The following NCOA2 variants were observed in gnomAD, a reference collection of about 807,000 sequenced individuals.
The protein encoded by NCOA2 is class E basic helix-loop-helix protein 75.
Under a neutral mutation model 145.1 loss-of-function variants are expected in NCOA2, and 21 were observed. The ratio of observed to expected loss-of-function variants is 0.14; its 90% confidence interval spans 0.10 to 0.21. The LOEUF is 0.21. Among genes scored for constraint, NCOA2 ranks in the 10% least tolerant of loss-of-function variants. The pLI, the probability that NCOA2 is intolerant of heterozygous loss-of-function variation, is 1.00. For missense variants in NCOA2, 1,472 were observed against 1,837.6 expected (o/e 0.80, Z 3.64); for synonymous variants, 619 against 637.5 (o/e 0.97, Z 0.44).
At position 70,202,969 on chromosome 8, in the gene NCOA2, G is replaced by T. The variant is rs12680933; in HGVS notation, c.259+10934C>A. On this transcript the variant is annotated intron_variant, in intron 4 of 22. Coordinates refer to ENST00000452400, the MANE Select transcript of NCOA2 (RefSeq NM_006540.4). ...GGACTTTGGGAGGCTGAGGTGGCCG[G>T]ATCACGAGGTCAAGAGATCAAGTGG... Among the ~76,000 whole-genome samples the T allele has an allele frequency of 2.9e-3, 436 of 152,210 alleles. 11 individuals are homozygous for T. The East Asian group carries it at 0.068, about 24-fold the overall frequency.
chr8:70,357,335 A>G (rs910271343), intron 1 of NCOA2: 2 of 152,158 alleles, frequency 1.3e-5, no homozygotes, highest in African/African-American at 4.8e-5. Context: ...TACACTGAAA[A>G]CTACAAAACA....
At chr8:70,162,228 G>C (rs1267830105) in intron 9 of NCOA2, among the ~76,000 whole-genome samples, 1 of 152,162 alleles carries the variant, frequency 6.6e-6, no homozygotes, top group East Asian at 1.9e-4. Context: ...TATTGCTTAA[G>C]TCTGTGAGCT....
intron 1 of NCOA2, among the ~76,000 whole-genome samples, chr8:70,322,488 C>T (rs1452518120): frequency 6.6e-6 from 1 of 152,092 alleles, no homozygotes; most frequent in Non-Finnish European, 1.5e-5. Context: ...TAGTATTATA[C>T]AAAACAGCTA....
intron 1 of NCOA2, among the ~76,000 whole-genome samples, chr8:70,395,851 C>A (rs1190321216): frequency 1.3e-5 from 2 of 152,158 alleles, no homozygotes; most frequent in African/African-American, 4.8e-5. Context: ...TTCATATGGA[C>A]ACACTAAATG....
intron 2 of NCOA2, among the ~76,000 whole-genome samples, chr8:70,287,782 AATG>A (rs1826344553): frequency 6.6e-6 from 1 of 152,228 alleles, no homozygotes; most frequent in East Asian, 1.9e-4. Flanking sequence ...TAGTAGCCAC[AATG>A]ATATGAGCCT....
chr8:70,176,608 A>G (rs919479311), intron 4 of NCOA2, among the ~76,000 whole-genome samples: 4 of 152,184 alleles, frequency 2.6e-5, no homozygotes, highest in Non-Finnish European at 4.4e-5. Context: ...TTCATTGCCA[A>G]ATAGACTCAC....
intron 2 of NCOA2, among the ~76,000 whole-genome samples, chr8:70,265,470 CA>C (rs1824492270): frequency 6.6e-6 from 1 of 152,128 alleles, no homozygotes; most frequent in South Asian, 2.1e-4. Context: ...TAAAACATAA[CA>C]AAAAACTAAA....
chr8:70,128,847 T>C lies in NCOA2; in HGVS notation c.3458A>G (p.Asp1153Gly), dbSNP rs1015280944. 6.2e-7 allele frequency: 1 copy of C among 1,614,014 alleles called. No homozygotes were observed. Among genetic ancestry groups the C allele is most frequent in the Non-Finnish European group, 8.5e-7 (1 of 1,179,900 alleles). Residue 1153 changes from aspartate to glycine, a missense_variant, in exon 17 of 23, where the codon GAT (aspartate) becomes GGT (glycine). Physicochemically the swap from Asp to Gly is moderately conservative, Grantham distance 94. Coordinates refer to ENST00000452400, the MANE Select transcript of NCOA2 (RefSeq NM_006540.4). ...CTGTCCCATGGTGTGAAAGTTTGGA[T>C]CTTGCATGGGAGAATAGCTACCCTG... ...MAQGSYSPMQDPNFHTMGQRP... is the reference protein window; with the variant it reads ...MAQGSYSPMQGPNFHTMGQRP...
chr8:70,371,981 T>C (rs1784218374), intron 1 of NCOA2, among the ~76,000 whole-genome samples: 1 of 152,218 alleles, frequency 6.6e-6, no homozygotes, highest in Non-Finnish European at 1.5e-5. Context: ...CTACACTGTG[T>C]ATCTTTATAA....
At chr8:70,398,877 T>C (rs1231651397) in intron 1 of NCOA2, among the ~76,000 whole-genome samples, 1 of 152,238 alleles carries the variant, frequency 6.6e-6, no homozygotes, top group Non-Finnish European at 1.5e-5. Context: ...GATCAACATT[T>C]CATAGAGTAA....
chr8:70,137,056 A>T (rs1283467038), intron 15 of NCOA2, among the ~76,000 whole-genome samples: 1 of 152,194 alleles, frequency 6.6e-6, no homozygotes, highest in Non-Finnish European at 1.5e-5. Context: ...TGCTGACTCT[A>T]TCACTGGAGT....
intron 2 of NCOA2, among the ~76,000 whole-genome samples, chr8:70,233,636 T>C (rs1383196640): frequency 6.6e-6 from 1 of 152,228 alleles, no homozygotes; most frequent in African/African-American, 2.4e-5. Context: ...CCAAACTTTC[T>C]GCTGTGTTTA....
the NCOA2 span, among the ~76,000 whole-genome samples, chr8:70,448,763 A>C: frequency 6.6e-6 from 1 of 151,976 alleles, no homozygotes; most frequent in South Asian, 2.1e-4. Flanking sequence ...TTGTGGTGAC[A>C]AAATAAGGCA....
intron 1 of NCOA2, among the ~76,000 whole-genome samples, chr8:70,398,362 G>C (rs1813889773): frequency 1.3e-5 from 2 of 152,144 alleles, no homozygotes; most frequent in African/African-American, 4.8e-5. Flanking sequence ...GGGAGGCTGG[G>C]TCAGGAGGAT....
chr8:70,189,843 T>C (rs1024752250), intron 4 of NCOA2, among the ~76,000 whole-genome samples: 2 of 152,232 alleles, frequency 1.3e-5, no homozygotes, highest in African/African-American at 4.8e-5. Flanking sequence ...TGTGAATTCA[T>C]AAGTATTAAA....
rs60348006 is a variant in NCOA2, at chr8:70,390,788, AATAC to A, written c.-77+12908_-77+12911del. Among the ~76,000 whole-genome samples, 1,014 of 152,060 alleles carry A rather than the reference AATAC, an allele frequency of 6.7e-3. 12 individuals are homozygous for A. The highest frequency in any genetic ancestry group is 0.024 in the Middle Eastern group (7 of 294). Reference sequence around the variant, plus strand: ...GTCTCTAAAACAACAATAATAAATAAATACATACATACATACATACACACACACA... The same window carrying A: ...GTCTCTAAAACAACAATAATAAATAAATACATACATACATACACACACACA... On this transcript the variant is annotated intron_variant, in intron 1 of 22. Transcript: ENST00000452400.
At chr8:70,160,684 A>G (rs866940138) in intron 9 of NCOA2, among the ~76,000 whole-genome samples, 16 of 147,744 alleles carry the variant, frequency 1.1e-4, no homozygotes, top group Non-Finnish European at 1.8e-4. Flanking sequence ...AGAGAGAGGG[A>G]GAGAGAGAGA....
Position 70,220,085 on chromosome 8 carries a change from A to G in NCOA2, c.-19-3321T>C, listed in dbSNP as rs956527993. The stretch of plus-strand genomic sequence containing the variant: ...CTAAAATAAACTCTATGGACAGAGG[A>G]ATTTTTATGCACTTTTGTAGATCGA... On this transcript the variant is annotated intron_variant, in intron 2 of 22. Coordinates refer to ENST00000452400, the MANE Select transcript of NCOA2 (RefSeq NM_006540.4). Among the ~76,000 whole-genome samples the G allele has an allele frequency of 4.6e-5, 7 of 152,334 alleles. No homozygotes were observed. In the South Asian group the frequency reaches 8.3e-4, roughly 18 times the overall value.
chr8:70,399,991 G>C (rs886371333), intron 1 of NCOA2, among the ~76,000 whole-genome samples: 1 of 152,176 alleles, frequency 6.6e-6, no homozygotes, highest in Admixed American at 6.5e-5. Context: ...TGATGTTACT[G>C]AAGCTTGGAA....
Sources: allele counts gnomAD v4.1 joint callset (sites outside exome capture counted in the v4.1 genomes callset), GRCh38; gene constraint gnomAD v4.1.1; transcripts MANE v1.5; gene names NCBI Gene and HGNC (gene_info 2026-07-23, HGNC 2026-07-21).